The following HS6ST1 variants were observed in gnomAD, a reference collection of about 807,000 sequenced individuals.
The protein encoded by HS6ST1 is heparan sulfate 6-O-sulfotransferase 1.
Under a neutral mutation model 25.2 loss-of-function variants are expected in HS6ST1, and 3 were observed. The observed-to-expected ratio is 0.12, with a 90% CI of 0.05 to 0.31. HS6ST1 has a LOEUF of 0.31. Among genes scored for constraint, HS6ST1 ranks in the 10% least tolerant of loss-of-function variants. The pLI is 1.00. For synonymous variants in HS6ST1, 204 were observed against 275.1 expected (o/e 0.74, Z 2.56); for missense variants, 310 against 609.6 (o/e 0.51, Z 5.18).
intron 1 of HS6ST1, among the ~76,000 whole-genome samples, chr2:128,269,245 C>A (rs918431656): frequency 1.3e-5 from 2 of 152,166 alleles, no homozygotes; most frequent in Non-Finnish European, 2.9e-5. Flanking sequence ...ATGGTGCCAC[C>A]CAAAGAGCCA....
intron 1 of HS6ST1, among the ~76,000 whole-genome samples, chr2:128,291,162 G>A (rs1693944903): frequency 6.6e-6 from 1 of 152,208 alleles, no homozygotes; most frequent in Non-Finnish European, 1.5e-5. Context: ...AAACAAGGAG[G>A]AACTAGGGAC....
rs1455830645 is a variant in HS6ST1, at chr2:128,291,715, T to C, written c.528-22845A>G. 7.9e-5 allele frequency among the ~76,000 whole-genome samples: 12 copies of C among 152,176 alleles called. 1 individual carries two copies. The highest frequency in any genetic ancestry group is 7.9e-4 in the Admixed American group (12 of 15,286). On this transcript the variant is annotated intron_variant, in intron 1 of 1. Transcript: ENST00000259241. ...TGGGGCTCTTGTTGCCTCATACCAG[T>C]CCTGCTGCTTTCCATCACTTGGCCC...
intron 1 of HS6ST1, among the ~76,000 whole-genome samples, chr2:128,307,434 C>T (rs1694230075): frequency 1.3e-5 from 2 of 152,342 alleles, no homozygotes; most frequent in South Asian, 4.1e-4. Context: ...CCTGGGCCAG[C>T]CTGGCCCTAC....
intron 1 of HS6ST1, among the ~76,000 whole-genome samples, chr2:128,286,308 T>G (rs1247422205): frequency 6.6e-6 from 1 of 152,214 alleles, no homozygotes; most frequent in South Asian, 2.1e-4. Flanking sequence ...GCCAGGGTCC[T>G]GCTCTCACAG....
At chr2:128,296,331 A>T (rs1305194803) in intron 1 of HS6ST1, among the ~76,000 whole-genome samples, 1 of 152,270 alleles carries the variant, frequency 6.6e-6, no homozygotes, top group Non-Finnish European at 1.5e-5. Flanking sequence ...TGCCACAGCT[A>T]TTCATCAGAG....
chr2:128,317,099 C>T (rs752652700), intron 1 of HS6ST1, among the ~76,000 whole-genome samples: 1 of 152,252 alleles, frequency 6.6e-6, no homozygotes. Context: ...CCCTGCAGGA[C>T]GAATGGGCAC....
intron 1 of HS6ST1, among the ~76,000 whole-genome samples, chr2:128,296,700 A>C (rs1694043761): frequency 1.3e-5 from 2 of 152,246 alleles, no homozygotes; most frequent in African/African-American, 2.4e-5. Flanking sequence ...CAAAACACTG[A>C]TGAAAGAAAT....
chr2:128,296,226 G>A (rs911315411), intron 1 of HS6ST1, among the ~76,000 whole-genome samples: 1 of 152,226 alleles, frequency 6.6e-6, no homozygotes, highest in African/African-American at 2.4e-5. Flanking sequence ...AGCTAAGACA[G>A]CCAGATATGA....
intron 1 of HS6ST1, among the ~76,000 whole-genome samples, chr2:128,284,568 C>A (rs1455240609): frequency 6.9e-6 from 1 of 145,436 alleles, no homozygotes; most frequent in African/African-American, 2.5e-5. Context: ...GTGGCGTGAT[C>A]TTGGTCACTG....
chr2:128,301,900 T>C (rs1184977306), intron 1 of HS6ST1, among the ~76,000 whole-genome samples: 3 of 152,276 alleles, frequency 2.0e-5, no homozygotes, highest in South Asian at 2.1e-4. Context: ...AGGGACACCA[T>C]GCTGGCCGGT....
Position 128,318,773 on chromosome 2 carries a change from C to T in HS6ST1, c.-210G>A, listed in dbSNP as rs1356132503. 1.4e-5 allele frequency among the ~76,000 whole-genome samples: 2 copies of T among 147,070 alleles called. No individual in the cohort carries two copies. The highest frequency in any genetic ancestry group is 3.0e-5 in the Non-Finnish European group (2 of 66,088). On this transcript the variant is annotated 5_prime_UTR_variant, in exon 1 of 2. Coordinates refer to ENST00000259241, the MANE Select transcript of HS6ST1 (RefSeq NM_004807.3). The surrounding 1 kb of genome is among the most constrained non-coding windows in gnomAD (Gnocchi z 5.7). ...TCCCCGGGCCCGACGCCCGACTCCG[C>T]TCCCGCTCGGCCCCGCTCCCGGCCC...
intron 1 of HS6ST1, among the ~76,000 whole-genome samples, chr2:128,294,038 C>A (rs1292875312): frequency 1.3e-5 from 2 of 152,182 alleles, no homozygotes; most frequent in Non-Finnish European, 2.9e-5. Flanking sequence ...TGGCTCTGTA[C>A]CTCCTTGAGG....
intron 1 of HS6ST1, among the ~76,000 whole-genome samples, chr2:128,317,141 T>G (rs1198503449): frequency 6.6e-6 from 1 of 152,080 alleles, no homozygotes; most frequent in Non-Finnish European, 1.5e-5. Flanking sequence ...AACCCCAACT[T>G]TAACTGCTGG....
chr2:128,268,963 T>G, intron 1 of HS6ST1, 93 bp from the exon 2 acceptor site: 1 of 1,096,660 alleles, frequency 9.1e-7, no homozygotes, highest in East Asian at 2.5e-5. Flanking sequence ...ACTACAGGAG[T>G]TTGGGCTTCG....
At chr2:128,286,595 T>C (rs187513328) in intron 1 of HS6ST1, among the ~76,000 whole-genome samples, 3 of 152,286 alleles carry the variant, frequency 2.0e-5, no homozygotes, top group East Asian at 1.9e-4. Context: ...AATGAGTTCA[T>C]GGTTTCAAGG....
intron 1 of HS6ST1, among the ~76,000 whole-genome samples, chr2:128,313,589 C>T (rs995926584): frequency 5.3e-5 from 8 of 152,240 alleles, no homozygotes; most frequent in Non-Finnish European, 8.8e-5. Flanking sequence ...TCCAACTCCC[C>T]GAAGGACGAC....
chr2:128,296,906 A>G (rs953507499), intron 1 of HS6ST1, among the ~76,000 whole-genome samples: 1 of 152,200 alleles, frequency 6.6e-6, no homozygotes, highest in Non-Finnish European at 1.5e-5. Flanking sequence ...TTGAATAGCT[A>G]AAGTACTTGA....
chr2:128,318,738 C>G lies in HS6ST1; in HGVS notation c.-175G>C, dbSNP rs1003368748. On this transcript the variant is annotated 5_prime_UTR_variant, in exon 1 of 2. Transcript: ENST00000259241. This position sits in a 1 kb window ranked among gnomAD's most constrained non-coding sequence, Gnocchi z 5.7. Reference sequence around the variant, plus strand: ...CGCGGTGCCATGGCTGCTCCCCGCCCGGCCCCGGCTCCCCGGGCCCGACGC... The same window carrying G: ...CGCGGTGCCATGGCTGCTCCCCGCCGGGCCCCGGCTCCCCGGGCCCGACGC... Among the ~76,000 whole-genome samples the G allele has an allele frequency of 1.4e-5, 2 of 146,530 alleles. No individual in the cohort carries two copies. Among genetic ancestry groups the G allele is most frequent in the African/African-American group, 4.9e-5 (2 of 40,844 alleles).
intron 1 of HS6ST1, among the ~76,000 whole-genome samples, chr2:128,309,583 C>T (rs908281400): frequency 3.3e-5 from 5 of 152,360 alleles, no homozygotes; most frequent in African/African-American, 1.2e-4. Flanking sequence ...TTCAAAGCTT[C>T]GTAAACAATT....
Sources: gnomAD v4.1 joint callset for allele counts (sites outside exome capture counted in the v4.1 genomes callset) on GRCh38, gnomAD v4.1.1 for gene constraint, Gnocchi (gnomAD v3.1) non-coding constraint, MANE v1.5 for transcripts, NCBI Gene and HGNC (gene_info 2026-07-23, HGNC 2026-07-21) for gene names.